DCTN5: variants seen among roughly 807,000 people sequenced by gnomAD.
DCTN5 encodes dynactin 4.
A neutral mutation model predicts 23.5 loss-of-function variants in DCTN5; 14 were observed. The ratio of observed to expected loss-of-function variants is 0.60; its 90% CI spans 0.39 to 0.93. DCTN5 has a LOEUF of 0.93. DCTN5 is among the 40% of genes least tolerant of loss of function. DCTN5 has a pLI of 0.00. For synonymous variants in DCTN5, 67 were observed against 79.6 expected (o/e 0.84, Z 0.84); for missense variants, 156 against 225.9 (o/e 0.69, Z 1.98).
At chr16:23,655,619 C>A (rs1003157328) in intron 2 of DCTN5, among the ~76,000 whole-genome samples, 9 of 151,858 alleles carry the variant, frequency 5.9e-5, no homozygotes, top group Admixed American at 5.9e-4. Flanking sequence ...TCTCAGCTTA[C>A]CGCAGCCTCG....
chr16:23,661,053 G>C (rs957800651), intron 3 of DCTN5, 117 bp from the exon 4 acceptor site: 12 of 528,724 alleles, frequency 2.3e-5, no homozygotes, highest in Non-Finnish European at 3.2e-5. Flanking sequence ...TTCTTTCCTT[G>C]CTGGGAACAG....
intron 2 of DCTN5, among the ~76,000 whole-genome samples, chr16:23,650,233 C>T (rs1967570870): frequency 6.6e-6 from 1 of 152,130 alleles, no homozygotes; most frequent in African/African-American, 2.4e-5. Context: ...TGAAGAATCT[C>T]ATTGTTATCT....
chr16:23,646,463 G>C (rs1315178758), intron 2 of DCTN5, among the ~76,000 whole-genome samples: 1 of 151,906 alleles, frequency 6.6e-6, no homozygotes, highest in African/African-American at 2.4e-5. Context: ...TGTGTTTTTG[G>C]TGTCATATTA....
chr16:23,654,734 C>T (rs567926303), intron 2 of DCTN5, among the ~76,000 whole-genome samples: 15 of 152,184 alleles, frequency 9.9e-5, no homozygotes, highest in African/African-American at 3.6e-4. Flanking sequence ...ATATTTGTGC[C>T]CATTAATTAA....
At position 23,677,165 on chromosome 16, in the gene DCTN5, T is replaced by C. The variant is rs535397684; in HGVS notation, c.*10021T>C. The C allele has an allele frequency of 1.3e-5, 2 of 152,392 alleles. 1 individual carries two copies. The highest frequency in any genetic ancestry group is 4.1e-4 in the South Asian group (2 of 4,834). 9.4% of individuals were successfully genotyped at this position (152,392 alleles called of 1,614,324 possible). ...TTGTCCATGCGCTTTTTTCCTTTGC[T>C]GATTTTGCTTCCTAGCCTTTCGCTG... On this transcript the variant is annotated 3_prime_UTR_variant, in exon 6 of 6. Coordinates refer to ENST00000300087, the MANE Select transcript of DCTN5 (RefSeq NM_032486.4).
rs968867063 is a variant in DCTN5, at chr16:23,673,212, G to A, written c.*6068G>A. 5 of 151,384 alleles carry A rather than the reference G, an allele frequency of 3.3e-5. No individual in the cohort carries two copies. The highest frequency in any genetic ancestry group is 1.2e-4 in the African/African-American group (5 of 41,256). 9.4% of individuals were successfully genotyped at this position (151,384 alleles called of 1,614,324 possible). A position where few individuals can be genotyped will look rare whatever the true frequency, so the allele number is the denominator to read the frequency against. ...AATATGAGAACATGGAAACAGCTAT[G>A]AAAAGACATAAGAGAATTAGGAGGA... On this transcript the variant is annotated 3_prime_UTR_variant, in exon 6 of 6. Transcript: ENST00000300087.
intron 1 of DCTN5, 105 bp downstream of exon 1, chr16:23,641,695 G>C (rs1014956079): frequency 6.2e-5 from 75 of 1,202,494 alleles, no homozygotes; most frequent in Middle Eastern, 1.9e-4. Flanking sequence ...CTGTCCCTTT[G>C]GCCATTAGTC....
chr16:23,643,834 A>G (rs1967362658), intron 2 of DCTN5, among the ~76,000 whole-genome samples: 1 of 152,162 alleles, frequency 6.6e-6, no homozygotes, highest in Non-Finnish European at 1.5e-5. Flanking sequence ...ATAAATTACA[A>G]TAGCAAAGAG....
At chr16:23,664,382 A>G (rs1769442149) in intron 4 of DCTN5, among the ~76,000 whole-genome samples, 1 of 152,248 alleles carries the variant, frequency 6.6e-6, no homozygotes, top group African/African-American at 2.4e-5. Flanking sequence ...CATATGATTT[A>G]AGTGTTTAAT....
intron 2 of DCTN5, among the ~76,000 whole-genome samples, chr16:23,654,400 A>G (rs987599232): frequency 6.6e-6 from 1 of 152,118 alleles, no homozygotes. Context: ...TGGAGGCTAA[A>G]TGATGAGAAC....
intron 2 of DCTN5, among the ~76,000 whole-genome samples, chr16:23,654,534 TAATGTGTACAACA>T (rs1318646226): frequency 6.6e-6 from 1 of 152,112 alleles, no homozygotes; most frequent in Non-Finnish European, 1.5e-5. Flanking sequence ...GGTGATGAAA[TAATGTGTACAACA>T]AACCTCCATG....
intron 2 of DCTN5, chr16:23,650,714 G>T: frequency 2.0e-6 from 3 of 1,520,508 alleles, no homozygotes; most frequent in Non-Finnish European, 2.6e-6. Context: ...GTTTTTTGCT[G>T]TTATGAACAA....
At position 23,669,286 on chromosome 16, in the gene DCTN5, C is replaced by G. The variant is rs1967963103; in HGVS notation, c.*2142C>G. 1 of 152,210 alleles carries G rather than the reference C, an allele frequency of 6.6e-6. No homozygotes were observed. Among genetic ancestry groups the G allele is most frequent in the African/African-American group, 2.4e-5 (1 of 41,432 alleles). 9.4% of individuals were successfully genotyped at this position (152,210 alleles called of 1,614,324 possible). ...GGCTCACGTAGCTGAAAAGGATGGG[C>G]TAGATTGGGCTTCAGGCTGCATCCC... On this transcript the variant is annotated 3_prime_UTR_variant, in exon 6 of 6. Transcript: ENST00000300087.
At chr16:23,661,457 G>C (rs886918705) in intron 4 of DCTN5, among the ~76,000 whole-genome samples, 176 bp downstream of exon 4, 1 of 152,178 alleles carries the variant, frequency 6.6e-6, no homozygotes, top group Non-Finnish European at 1.5e-5. Context: ...GGTGGCTCAT[G>C]CCTGTAATCC....
At chr16:23,655,799 C>G (rs753631691) in intron 2 of DCTN5, among the ~76,000 whole-genome samples, 1 of 152,194 alleles carries the variant, frequency 6.6e-6, no homozygotes, top group African/African-American at 2.4e-5. Context: ...CCTGCATCAG[C>G]CTCCCAAAGT....
chr16:23,643,228 G>A (rs1198006810), intron 2 of DCTN5, among the ~76,000 whole-genome samples: 1 of 149,974 alleles, frequency 6.7e-6, no homozygotes, highest in Non-Finnish European at 1.5e-5. Context: ...GTCTCACTCT[G>A]TCGCCCAGGC....
At position 23,666,047 on chromosome 16, in the gene DCTN5, A is replaced by C. The variant is rs1967900308; in HGVS notation, c.451+319A>C. 3.1e-5 allele frequency: 8 copies of C among 260,574 alleles called. 1 individual carries two copies. The South Asian group carries it at 5.0e-4, about 16-fold the overall frequency. The allele number at this position is 260,574 out of a possible 1,614,324, so 16.1% of individuals were successfully genotyped here. On this transcript the variant is annotated intron_variant, in intron 5 of 5. Coordinates refer to ENST00000300087, the MANE Select transcript of DCTN5 (RefSeq NM_032486.4). The stretch of plus-strand genomic sequence containing the variant: ...TTTGAGGGGTGATACTCATGTCGGG[A>C]TGGAAATAAAGCCTTGGATCCACAC...
In DCTN5 at chr16:23,675,686, C is replaced by A. The variant is rs1354350049; in HGVS notation, c.*8542C>A. On this transcript the variant is annotated 3_prime_UTR_variant, in exon 6 of 6. Transcript: ENST00000300087. ...AATTAAAGCCTGGCACCTGGGGAGG[C>A]TTGATCCCTGGAAGCCTCCTCTTGC... 6.6e-6 allele frequency: 1 copy of A among 152,130 alleles called. No individual in the cohort carries two copies. Among genetic ancestry groups the A allele is most frequent in the Non-Finnish European group, 1.5e-5 (1 of 68,020 alleles). The allele number at this position is 152,130 out of a possible 1,614,324, so 9.4% of individuals were successfully genotyped here.
rs552434611 is a variant in DCTN5 at position 23,673,711 on chromosome 16, T to G, written c.*6567T>G. On this transcript the variant is annotated 3_prime_UTR_variant, in exon 6 of 6. Coordinates refer to ENST00000300087, the MANE Select transcript of DCTN5 (RefSeq NM_032486.4). ...ATACAGCTTTCTAGTTTTTTGCCAC[T>G]AGTGGATAGGTTGGAATTTAAATTC... 3.3e-5 allele frequency: 5 copies of G among 152,328 alleles called. No individual in the cohort carries two copies. The highest frequency in any genetic ancestry group is 6.5e-5 in the Admixed American group (1 of 15,304). The allele number at this position is 152,328 out of a possible 1,614,324, so 9.4% of individuals were successfully genotyped here. A position where few individuals can be genotyped will look rare whatever the true frequency, so the allele number is the denominator to read the frequency against.
Sources: gnomAD v4.1 joint callset for allele counts (sites outside exome capture counted in the v4.1 genomes callset) on GRCh38, gnomAD v4.1.1 for gene constraint, MANE v1.5 for transcripts, NCBI Gene and HGNC (gene_info 2026-07-23, HGNC 2026-07-21) for gene names.